Variants in FTO observed in about 807,000 individuals in gnomAD.
FTO encodes FTO alpha-ketoglutarate dependent dioxygenase.
Under a neutral mutation model 63.9 loss-of-function variants are expected in FTO, and 47 were observed. That is an observed-to-expected ratio of 0.74 (90% CI 0.58 to 0.94). The LOEUF is 0.94. FTO is among the 40% of genes least tolerant of loss of function. FTO has a pLI of 0.00. For missense variants in FTO, 562 were observed against 618.1 expected (o/e 0.91, Z 0.96); for synonymous variants, 207 against 224.4 (o/e 0.92, Z 0.69).
At chr16:53,787,841 C>T (rs560306419) in intron 1 of FTO, among the ~76,000 whole-genome samples, 2 of 152,128 alleles carry the variant, frequency 1.3e-5, no homozygotes, top group East Asian at 1.9e-4. Flanking sequence ...GAGGTTCCGA[C>T]GAGTCAAAGA....
At chr16:53,909,937 G>A (rs1023738662) in intron 7 of FTO, among the ~76,000 whole-genome samples, 23 of 151,954 alleles carry the variant, frequency 1.5e-4, no homozygotes, top group African/African-American at 5.3e-4. Context: ...GAGTACAGTG[G>A]TATAATCATA....
At chr16:53,847,299 G>A (rs1187769452) in intron 4 of FTO, among the ~76,000 whole-genome samples, 1 of 152,176 alleles carries the variant, frequency 6.6e-6, no homozygotes, top group Non-Finnish European at 1.5e-5. Flanking sequence ...ACCCTACTCA[G>A]CGCTGAACGC....
At chr16:53,854,547 G>T (rs892624378) in intron 4 of FTO, among the ~76,000 whole-genome samples, 2 of 151,972 alleles carry the variant, frequency 1.3e-5, no homozygotes, top group Admixed American at 6.6e-5. Flanking sequence ...TTTGAATAGG[G>T]TGTCCCTTTT....
intron 8 of FTO, among the ~76,000 whole-genome samples, chr16:53,959,758 T>A (rs1766068456): frequency 6.6e-6 from 1 of 152,086 alleles, no homozygotes; most frequent in African/African-American, 2.4e-5. Flanking sequence ...GAGCCTAAGC[T>A]TTTAACCATG....
chr16:53,792,251 A>G (rs552604218), intron 1 of FTO, among the ~76,000 whole-genome samples: 1 of 152,186 alleles, frequency 6.6e-6, no homozygotes, highest in Non-Finnish European at 1.5e-5. Context: ...TTTCATCGCT[A>G]TTAGGCAAAA....
intron 8 of FTO, among the ~76,000 whole-genome samples, chr16:54,025,290 A>C (rs1402231947): frequency 6.6e-6 from 1 of 152,224 alleles, no homozygotes; most frequent in Non-Finnish European, 1.5e-5. Flanking sequence ...ACAAAGGTAC[A>C]CCAAACTTCT....
chr16:54,014,424 T>C (rs559160722), intron 8 of FTO, among the ~76,000 whole-genome samples: 1 of 152,172 alleles, frequency 6.6e-6, no homozygotes, highest in Admixed American at 6.6e-5. Flanking sequence ...CCTTTCTCTC[T>C]CTCCGTGTGA....
chr16:53,980,123 T>G lies in FTO; in HGVS notation c.1364+46014T>G, dbSNP rs75066479. Reference sequence around the variant, plus strand: ...AAGAAGGTAGAACTAGTCCCACCCTTAAGTCAAGAAGAACTGGTTAGTCAT... The same window carrying G: ...AAGAAGGTAGAACTAGTCCCACCCTGAAGTCAAGAAGAACTGGTTAGTCAT... On this transcript the variant is annotated intron_variant, in intron 8 of 8. Transcript: ENST00000471389. 8.7e-3 allele frequency among the ~76,000 whole-genome samples: 1,325 copies of G among 152,314 alleles called. 17 individuals carry two copies. Among genetic ancestry groups the G allele is most frequent in the African/African-American group, 0.029 (1,212 of 41,576 alleles).
At chr16:53,971,784 G>C (rs1400517153) in intron 8 of FTO, among the ~76,000 whole-genome samples, 1 of 152,156 alleles carries the variant, frequency 6.6e-6, no homozygotes, top group East Asian at 1.9e-4. Context: ...GGGCTCTTTT[G>C]TGTCTGGTGA....
At chr16:54,021,290 T>C (rs1042147023) in intron 8 of FTO, among the ~76,000 whole-genome samples, 1 of 152,154 alleles carries the variant, frequency 6.6e-6, no homozygotes, top group Non-Finnish European at 1.5e-5. Context: ...TGCAACATAA[T>C]TTCCCCCTGC....
intron 8 of FTO, among the ~76,000 whole-genome samples, chr16:53,994,827 A>G (rs1241270487): frequency 6.6e-6 from 1 of 151,412 alleles, no homozygotes; most frequent in Non-Finnish European, 1.5e-5. Context: ...TCCGTCTCCC[A>G]GGTTCAAACA....
Position 54,120,193 on chromosome 16 carries a change from T to TG in FTO, c.*8279dup, listed in dbSNP as rs1177460478. 6.6e-6 allele frequency: 1 copy of TG among 152,222 alleles called. No homozygotes were observed. The highest frequency in any genetic ancestry group is 2.4e-5 in the African/African-American group (1 of 41,466). The allele number at this position is 152,222 out of a possible 1,614,324, so 9.4% of individuals were successfully genotyped here. A position where few individuals can be genotyped will look rare whatever the true frequency, so the allele number is the denominator to read the frequency against. On this transcript the variant is annotated 3_prime_UTR_variant, in exon 9 of 9. Coordinates refer to ENST00000471389, the MANE Select transcript of FTO (RefSeq NM_001080432.3). ...TCTGTACCCAGCAGAAAACAATAGA[T>TG]GTGTGGCTGTGTCAGGGGCATCCTC...
intron 3 of FTO, among the ~76,000 whole-genome samples, chr16:53,833,547 C>T (rs2388405): frequency 0.46 from 69,578 of 151,834 alleles, 16,437 homozygotes; most frequent in East Asian, 0.58. Context: ...GCTTTCAGTA[C>T]TTTTGTGTGT....
intron 8 of FTO, chr16:53,937,455 T>C: frequency 2.6e-6 from 1 of 391,954 alleles, no homozygotes; most frequent in Non-Finnish European, 4.5e-6. Flanking sequence ...AGTCTGCAGC[T>C]AATAAACTCT....
At chr16:53,908,148 A>G (rs1235227377) in intron 7 of FTO, among the ~76,000 whole-genome samples, 1 of 152,264 alleles carries the variant, frequency 6.6e-6, no homozygotes, top group Non-Finnish European at 1.5e-5. Context: ...GTTTCTTTGT[A>G]TAGATTCTCC....
At chr16:54,102,228 T>C (rs2144598952) in intron 8 of FTO, among the ~76,000 whole-genome samples, 1 of 152,310 alleles carries the variant, frequency 6.6e-6, no homozygotes, top group East Asian at 1.9e-4. Context: ...AATAGCATCC[T>C]GGACATAGGA....
At chr16:53,769,437 G>T (rs182131169) in intron 1 of FTO, among the ~76,000 whole-genome samples, 5 of 152,048 alleles carry the variant, frequency 3.3e-5, no homozygotes, top group Admixed American at 3.3e-4. Context: ...GATAATTATG[G>T]TAACCACCAC....
chr16:53,831,681 A>G (rs2079149667), intron 3 of FTO, among the ~76,000 whole-genome samples: 1 of 152,210 alleles, frequency 6.6e-6, no homozygotes, highest in African/African-American at 2.4e-5. Flanking sequence ...GTGAGGGATA[A>G]TCTTACAATT....
intron 8 of FTO, among the ~76,000 whole-genome samples, chr16:53,950,798 T>A (rs950598639): frequency 1.3e-5 from 2 of 152,226 alleles, no homozygotes; most frequent in African/African-American, 2.4e-5. Context: ...AGGACCTCAG[T>A]GTCCTGACAT....
Sources: allele counts gnomAD v4.1 joint callset (sites outside exome capture counted in the v4.1 genomes callset), GRCh38; gene constraint gnomAD v4.1.1; transcripts MANE v1.5; gene names NCBI Gene and HGNC (gene_info 2026-07-23, HGNC 2026-07-21).